The following GRID2 variants were observed in gnomAD, a reference collection of about 807,000 sequenced individuals.
The protein encoded by GRID2 is glutamate receptor ionotropic, delta-2.
GRID2 carries 33 observed loss-of-function variants against 114.8 expected under a neutral mutation model. The observed-to-expected ratio is 0.29, with a 90% CI of 0.22 to 0.38. The LOEUF (loss-of-function observed/expected upper bound fraction) is 0.38. GRID2 is among the 10% of genes least tolerant of loss of function. GRID2 has a pLI of 1.00. For synonymous variants in GRID2, 505 were observed against 449.9 expected (o/e 1.12, Z -1.55); for missense variants, 1,184 against 1,257.7 (o/e 0.94, Z 0.89).
chr4:92,851,168 T>C (rs961880666), intron 2 of GRID2, among the ~76,000 whole-genome samples: 5 of 151,964 alleles, frequency 3.3e-5, no homozygotes, highest in African/African-American at 1.2e-4. Context: ...TGGTAATATG[T>C]ACTTGTGAAT....
chr4:93,758,376 G>GT lies in GRID2; in HGVS notation c.2361-10828dup, dbSNP rs544340462. On this transcript the variant is annotated intron_variant, in intron 14 of 15. Transcript: ENST00000282020. ...AAACTGTAATACAAATATGCTCTGA[G>GT]TTTTTTAAAATATGTATCAGTGTAC... 1.1e-4 allele frequency among the ~76,000 whole-genome samples: 16 copies of GT among 152,238 alleles called. No individual in the cohort carries two copies. In the East Asian group the frequency reaches 2.3e-3, roughly 22 times the overall value.
intron 8 of GRID2, among the ~76,000 whole-genome samples, chr4:93,260,595 C>T (rs949737626): frequency 1.2e-4 from 18 of 151,714 alleles, no homozygotes; most frequent in African/African-American, 4.3e-4. Flanking sequence ...TATGTTGTGA[C>T]ATTTGGTCTT....
chr4:93,747,718 T>C (rs991238632), intron 14 of GRID2, among the ~76,000 whole-genome samples: 1 of 152,044 alleles, frequency 6.6e-6, no homozygotes, highest in African/African-American at 2.4e-5. Context: ...AATCACATAC[T>C]AAAAATCAAT....
chr4:93,289,790 T>A (rs1753545950), intron 8 of GRID2, among the ~76,000 whole-genome samples: 1 of 152,196 alleles, frequency 6.6e-6, no homozygotes, highest in Non-Finnish European at 1.5e-5. Flanking sequence ...TCCCAGGCCA[T>A]TATTGTTATT....
intron 13 of GRID2, among the ~76,000 whole-genome samples, chr4:93,592,091 T>A (rs1219712911): frequency 6.6e-6 from 1 of 152,202 alleles, no homozygotes. Context: ...TTTCTTGCCT[T>A]CTGCTACCTT....
intron 2 of GRID2, among the ~76,000 whole-genome samples, chr4:92,639,384 A>T (rs1417037746): frequency 6.6e-6 from 1 of 151,772 alleles, no homozygotes; most frequent in Non-Finnish European, 1.5e-5. Flanking sequence ...AGATTAATTG[A>T]CTTAGTTTAA....
intron 10 of GRID2, among the ~76,000 whole-genome samples, chr4:93,455,012 C>T (rs1392040277): frequency 6.6e-6 from 1 of 152,064 alleles, no homozygotes; most frequent in Non-Finnish European, 1.5e-5. Context: ...TCTAAGAAGA[C>T]ACATTAGAAA....
At chr4:93,745,161 G>T (rs1307329843) in intron 14 of GRID2, among the ~76,000 whole-genome samples, 1 of 152,198 alleles carries the variant, frequency 6.6e-6, no homozygotes, top group South Asian at 2.1e-4. Flanking sequence ...GGCTGTAATT[G>T]TTATTGCTGT....
chr4:93,336,460 G>C (rs10001180), intron 8 of GRID2, among the ~76,000 whole-genome samples: 38,357 of 152,044 alleles, frequency 0.25, 8,124 homozygotes, highest in African/African-American at 0.58. Context: ...GAATATCTAG[G>C]TTATTTAGGT....
chr4:93,726,938 C>T (rs1360860937), intron 14 of GRID2, among the ~76,000 whole-genome samples: 1 of 152,208 alleles, frequency 6.6e-6, no homozygotes, highest in African/African-American at 2.4e-5. Context: ...CAAACAGGGA[C>T]AATTTGACTT....
At chr4:92,358,380 A>G (rs1262828804) in intron 1 of GRID2, among the ~76,000 whole-genome samples, 1 of 151,960 alleles carries the variant, frequency 6.6e-6, no homozygotes, top group Non-Finnish European at 1.5e-5. Flanking sequence ...GGGAAGAGTT[A>G]ATAAAAGCTT....
intron 8 of GRID2, among the ~76,000 whole-genome samples, chr4:93,394,161 G>A (rs947246946): frequency 9.9e-5 from 15 of 152,026 alleles, no homozygotes; most frequent in East Asian, 3.9e-4. Flanking sequence ...AAGAAATTTC[G>A]TAAAGTTTTA....
chr4:92,952,484 A>G (rs1277564151), intron 2 of GRID2, among the ~76,000 whole-genome samples: 1 of 152,186 alleles, frequency 6.6e-6, no homozygotes, highest in Non-Finnish European at 1.5e-5. Context: ...TTTTGCAGAA[A>G]TATTTCATAT....
chr4:93,042,729 A>C (rs1331077733), intron 2 of GRID2, among the ~76,000 whole-genome samples: 1 of 147,416 alleles, frequency 6.8e-6, no homozygotes, highest in Admixed American at 6.8e-5. Context: ...ATATAGAGAG[A>C]GAGATAGAGA....
At chr4:92,402,741 G>C (rs1035980141) in intron 1 of GRID2, among the ~76,000 whole-genome samples, 1 of 152,176 alleles carries the variant, frequency 6.6e-6, no homozygotes, top group Non-Finnish European at 1.5e-5. Context: ...AGGCCCCTAG[G>C]ATGTTCAGAA....
intron 2 of GRID2, among the ~76,000 whole-genome samples, chr4:92,856,752 G>T (rs1189278977): frequency 6.6e-6 from 1 of 152,112 alleles, no homozygotes; most frequent in Non-Finnish European, 1.5e-5. Flanking sequence ...CATCTTGTAC[G>T]TAGTTGGTTT....
At chr4:92,632,799 C>T (rs1267192175) in intron 2 of GRID2, among the ~76,000 whole-genome samples, 3 of 151,816 alleles carry the variant, frequency 2.0e-5, no homozygotes, top group Admixed American at 1.3e-4. Flanking sequence ...AAGACCATGA[C>T]TACAAATTAT....
chr4:93,334,816 G>A (rs897399788), intron 8 of GRID2, among the ~76,000 whole-genome samples: 7 of 151,944 alleles, frequency 4.6e-5, no homozygotes, highest in African/African-American at 9.7e-5. Flanking sequence ...CTGTAATCCC[G>A]GCTACTCGGG....
At chr4:93,623,030 G>C (rs940219526) in intron 13 of GRID2, among the ~76,000 whole-genome samples, 12 of 152,024 alleles carry the variant, frequency 7.9e-5, no homozygotes, top group African/African-American at 2.2e-4. Flanking sequence ...TGACATTTTT[G>C]CAATAATCAC....
Sources: gnomAD v4.1 joint callset for allele counts (sites outside exome capture counted in the v4.1 genomes callset) on GRCh38, gnomAD v4.1.1 for gene constraint, MANE v1.5 for transcripts, NCBI Gene and HGNC (gene_info 2026-07-23, HGNC 2026-07-21) for gene names.